Variants in SELENOW observed in about 807,000 individuals in gnomAD.
The protein encoded by SELENOW is selenoprotein W, 1.
SELENOW carries 20 observed loss-of-function variants against 16.6 expected under a neutral mutation model. The observed-to-expected ratio is 1.21, with a 90% CI of 0.85 to 1.76. The LOEUF is 1.76. Ranked by LOEUF, SELENOW falls within the 40% of genes most tolerant of loss-of-function variation. The probability of loss-of-function intolerance (pLI) is 0.00; values close to 1 mark genes in which losing one functional copy is unlikely to be tolerated. For missense variants in SELENOW, 124 were observed against 111.0 expected, an observed-to-expected ratio of 1.12 and a Z score of -0.53; for synonymous variants, 44 against 46.2, an observed-to-expected ratio of 0.95 and a Z score of 0.19.
rs763383023 is a variant in SELENOW, at chr19:47,778,734, G to A, written c.-52G>A. Reference sequence around the variant, plus strand: ...GCAGACCTAGCGCGTCCAGGTGGGAGGTTAGTGTGGCCCGGGCGTCCGCTC... The same window carrying A: ...GCAGACCTAGCGCGTCCAGGTGGGAAGTTAGTGTGGCCCGGGCGTCCGCTC... On this transcript the variant is annotated 5_prime_UTR_variant, in exon 1 of 6. Transcript: ENST00000601048. The A allele has an allele frequency of 6.3e-7, 1 of 1,578,748 alleles. No individual in the cohort carries two copies. The highest frequency in any genetic ancestry group is 2.3e-5 in the East Asian group (1 of 42,628).
intron 5 of SELENOW, chr19:47,783,894 T>G (rs910903775): frequency 3.4e-4 from 51 of 152,224 alleles, no homozygotes; most frequent in African/African-American, 1.2e-3. Flanking sequence ...CCATGCAGGC[T>G]TTGAATTCTT....
At position 47,778,718 on chromosome 19, in the gene SELENOW, G is replaced by C; in HGVS notation, c.-68G>C. On this transcript the variant is annotated 5_prime_UTR_variant, in exon 1 of 6. Coordinates refer to ENST00000601048, the MANE Select transcript of SELENOW (RefSeq NM_003009.4). ...TTCCCGCCGCACTCGCGCAGACCTA[G>C]CGCGTCCAGGTGGGAGGTTAGTGTG... 2 of 1,552,238 alleles carry C rather than the reference G, an allele frequency of 1.3e-6. No individual in the cohort carries two copies. Among genetic ancestry groups the C allele is most frequent in the Non-Finnish European group, 1.7e-6 (2 of 1,146,254 alleles).
At chr19:47,782,053 C>G (rs190426636) in intron 5 of SELENOW, 4 of 155,996 alleles carry the variant, frequency 2.6e-5, no homozygotes, top group African/African-American at 9.6e-5. Context: ...AGCAACCCAA[C>G]GGTTCAGAAT....
chr19:47,781,419 C>T (rs369677089), intron 5 of SELENOW, 31 bp downstream of exon 5: 105 of 1,196,140 alleles, frequency 8.8e-5, no homozygotes, highest in Non-Finnish European at 1.2e-4. Context: ...GGGACACCAC[C>T]CTTTGGATCT....
At chr19:47,783,570 C>G (rs1967500032) in intron 5 of SELENOW, 2 of 152,176 alleles carry the variant, frequency 1.3e-5, no homozygotes, top group African/African-American at 4.8e-5. Flanking sequence ...ACAGAGTATC[C>G]CATCCCAACA....
chr19:47,779,145 ACCCTAAGGCTTCCCCT>A, intron 1 of SELENOW: 1 of 331,412 alleles, frequency 3.0e-6, no homozygotes, highest in South Asian at 5.5e-5. Context: ...AGGCTCCTCC[ACCCTAAGGCTTCCCCT>A]CCCCCAATAT....
chr19:47,780,953 G>A (rs763072226), intron 3 of SELENOW, 36 bp downstream of exon 3: 2 of 1,610,486 alleles, frequency 1.2e-6, no homozygotes, highest in East Asian at 2.2e-5. Context: ...CTTGAGCACA[G>A]CCACTGTGTC....
Position 47,780,919 on chromosome 19 carries a change from T to C in SELENOW, c.108+2T>C. The C allele has an allele frequency of 1.9e-6, 3 of 1,613,202 alleles. No individual in the cohort carries two copies. The South Asian group carries it at 3.3e-5, about 18-fold the overall frequency. On this transcript the variant is annotated splice_donor_variant, in intron 3 of 5. Coordinates refer to ENST00000601048, the MANE Select transcript of SELENOW (RefSeq NM_003009.4). LOFTEE classifies it high-confidence loss of function. ...GAGTTCCCCGGCCGCCTGGACATCGTGAGTCTTGGGATGGGGAGAAAGACT... is the reference window on the plus strand; with the variant it reads ...GAGTTCCCCGGCCGCCTGGACATCGCGAGTCTTGGGATGGGGAGAAAGACT...
intron 1 of SELENOW, chr19:47,780,478 TTCTGTGTGTC>T (rs1014275262): frequency 9.2e-5 from 52 of 566,624 alleles, no homozygotes; most frequent in African/African-American, 8.9e-4. Context: ...GGTGTTGGTT[TTCTGTGTGTC>T]TCTGTGTGTC....
At chr19:47,781,545 A>G in intron 5 of SELENOW, 157 bp downstream of exon 5, 1 of 613,788 alleles carries the variant, frequency 1.6e-6, no homozygotes, top group South Asian at 1.9e-5. Context: ...TTGGTGGAGG[A>G]CAACAACTGA....
intron 1 of SELENOW, chr19:47,780,148 C>T (rs1208129805): frequency 6.6e-6 from 3 of 454,988 alleles, no homozygotes; most frequent in Non-Finnish European, 1.3e-5. Context: ...TGGCTCCTGC[C>T]TGTAATCTCA....
At chr19:47,782,955 A>G (rs1967492825) in intron 5 of SELENOW, 1 of 152,250 alleles carries the variant, frequency 6.6e-6, no homozygotes, top group Non-Finnish European at 1.5e-5. Context: ...TTTGTAAGCC[A>G]GTATGGTCCA....
At position 47,780,991 on chromosome 19, in the gene SELENOW, G is replaced by A. The variant is rs770563417; in HGVS notation, c.108+74G>A. 5.7e-6 allele frequency: 9 copies of A among 1,566,078 alleles called. No individual in the cohort carries two copies. The Middle Eastern group carries it at 8.4e-4, about 146-fold the overall frequency. On this transcript the variant is annotated intron_variant, in intron 3 of 5. Coordinates refer to ENST00000601048, the MANE Select transcript of SELENOW (RefSeq NM_003009.4). ...TCCGTTAGGCCTGGATGGCACTGCA[G>A]GGGGGTTAGGTCAGCCCTACGCCCT...
At position 47,784,552 on chromosome 19, in the gene SELENOW, G is replaced by A. The variant is rs929066584; in HGVS notation, c.*281G>A. 1 of 152,178 alleles carries A rather than the reference G, an allele frequency of 6.6e-6. No individual in the cohort carries two copies. Among genetic ancestry groups the A allele is most frequent in the African/African-American group, 2.4e-5 (1 of 41,444 alleles). 9.4% of individuals were successfully genotyped at this position (152,178 alleles called of 1,614,324 possible). ...ATGTCTTCCCCAGTTGTCCCCTGGA[G>A]TTTGGGGGGACATCCCGCCTCAGGC... On this transcript the variant is annotated 3_prime_UTR_variant, in exon 6 of 6. Coordinates refer to ENST00000601048, the MANE Select transcript of SELENOW (RefSeq NM_003009.4).
chr19:47,782,165 T>C (rs995689237), intron 5 of SELENOW: 2 of 152,814 alleles, frequency 1.3e-5, no homozygotes, highest in African/African-American at 4.8e-5. Context: ...TGAGACAGAA[T>C]TTCCTTGCTC....
rs1879662143 is a variant in SELENOW at position 47,784,619 on chromosome 19, G to C, written c.*348G>C. ...AGCCAAGAGAGGCATCAGGATGGGT[G>C]GGTTTCTGATTGTGGCAACGTTTGC... On this transcript the variant is annotated 3_prime_UTR_variant, in exon 6 of 6. Transcript: ENST00000601048. 6.6e-6 allele frequency: 1 copy of C among 152,210 alleles called. No individual in the cohort carries two copies. The highest frequency in any genetic ancestry group is 6.6e-5 in the Admixed American group (1 of 15,262). The allele number at this position is 152,210 out of a possible 1,614,324, so 9.4% of individuals were successfully genotyped here.
rs374973413 is a variant in SELENOW at position 47,778,745 on chromosome 19, C to G, written c.-41C>G. 6.3e-6 allele frequency: 10 copies of G among 1,587,690 alleles called. No homozygotes were observed. Among genetic ancestry groups the G allele is most frequent in the Non-Finnish European group, 5.1e-6 (6 of 1,167,996 alleles). On this transcript the variant is annotated 5_prime_UTR_variant, in exon 1 of 6. Transcript: ENST00000601048. ...GCGTCCAGGTGGGAGGTTAGTGTGG[C>G]CCGGGCGTCCGCTCCTCAGCGGATG...
chr19:47,780,404 G>A (rs1003516950), intron 1 of SELENOW: 22 of 462,888 alleles, frequency 4.8e-5, no homozygotes, highest in African/African-American at 1.8e-4. Context: ...CCCGTCTCTC[G>A]TATTTGTGGT....
In SELENOW at chr19:47,778,933, C is replaced by T. The variant is rs564635165; in HGVS notation, c.29+119C>T. 267 of 1,018,346 alleles carry T rather than the reference C, an allele frequency of 2.6e-4. 1 individual carries two copies. The African/African-American group carries it at 3.8e-3, about 15-fold the overall frequency. 63.1% of individuals were successfully genotyped at this position (1,018,346 alleles called of 1,614,324 possible). ...GGAGCCCTTGTATGGGAAAAGGGAG[C>T]CCCTGTATGTGGGTGGGGTGGGCGT... On this transcript the variant is annotated intron_variant, in intron 1 of 5. Coordinates refer to ENST00000601048, the MANE Select transcript of SELENOW (RefSeq NM_003009.4).
Sources: allele counts gnomAD v4.1 joint callset, GRCh38; gene constraint gnomAD v4.1.1; transcripts MANE v1.5; gene names NCBI Gene and HGNC (gene_info 2026-07-23, HGNC 2026-07-21).